RPN1: variants seen among roughly 807,000 people sequenced by gnomAD.
The protein encoded by RPN1 is dolichyl-diphosphooligosaccharide--protein glycosyltransferase subunit 1.
A neutral mutation model predicts 55.5 loss-of-function variants in RPN1; 12 were observed. The ratio of observed to expected loss-of-function variants is 0.22; its 90% confidence interval spans 0.14 to 0.35. The LOEUF is 0.35. Among genes scored for constraint, RPN1 ranks in the 10% least tolerant of loss-of-function variants. The pLI is 1.00. For missense variants in RPN1, 679 were observed against 761.3 expected (o/e 0.89, Z 1.27); for synonymous variants, 317 against 305.9 (o/e 1.04, Z -0.38).
chr3:128,640,401 A>G (rs111429487), intron 2 of RPN1, among the ~76,000 whole-genome samples: 15 of 152,314 alleles, frequency 9.8e-5, no homozygotes, highest in African/African-American at 3.6e-4. Flanking sequence ...TGTCTTTATC[A>G]GTCACACCAT....
At chr3:128,650,518 G>A in intron 1 of RPN1, 22 bp downstream of exon 1, 1 of 1,518,808 alleles carries the variant, frequency 6.6e-7, no homozygotes, top group Non-Finnish European at 8.8e-7. Context: ...GGGAGCGGCG[G>A]CGAGGGGTCG....
At chr3:128,626,288 T>C (rs896458801) in intron 6 of RPN1, among the ~76,000 whole-genome samples, 5 of 152,168 alleles carry the variant, frequency 3.3e-5, no homozygotes, top group Non-Finnish European at 7.3e-5. Context: ...GCCCCACTCC[T>C]TGGAGTCACA....
In RPN1 at chr3:128,630,156, G is replaced by A. The variant is rs372156358; in HGVS notation, c.844-13C>T. 3.4e-4 allele frequency: 538 copies of A among 1,586,898 alleles called. No individual in the cohort carries two copies. The highest frequency in any genetic ancestry group is 4.5e-4 in the Non-Finnish European group (517 of 1,161,638). ...CAGGAAGGATGGTCTGCAAGAGAGT[G>A]GATATGCCCTTCTAAAACTCCAGGA... On this transcript the variant is annotated splice_polypyrimidine_tract_variant and intron_variant, in intron 4 of 9. Coordinates refer to ENST00000296255, the MANE Select transcript of RPN1 (RefSeq NM_002950.4).
chr3:128,627,864 C>T (rs1293748778), intron 5 of RPN1, among the ~76,000 whole-genome samples: 1 of 152,248 alleles, frequency 6.6e-6, no homozygotes, highest in African/African-American at 2.4e-5. Context: ...CAGCAAGACG[C>T]CCATAAAAAC....
chr3:128,641,575 CCAAGTA>C (rs1206711968), intron 2 of RPN1, among the ~76,000 whole-genome samples: 1 of 151,482 alleles, frequency 6.6e-6, no homozygotes, highest in Non-Finnish European at 1.5e-5. Context: ...TACTAAGGCT[CCAAGTA>C]CATTATATAT....
At chr3:128,650,303 ACG>A (rs1185971286) in intron 1 of RPN1, among the ~76,000 whole-genome samples, 3 of 152,138 alleles carry the variant, frequency 2.0e-5, no homozygotes, top group African/African-American at 7.2e-5. Flanking sequence ...GCCGGTGCTG[ACG>A]TGGCCCAGGC....
intron 2 of RPN1, among the ~76,000 whole-genome samples, chr3:128,643,800 A>T (rs2069746675): frequency 6.6e-6 from 1 of 151,916 alleles, no homozygotes. Flanking sequence ...TCTCAAAAAA[A>T]AAAAATACAA....
chr3:128,633,756 G>A (rs1399313679), intron 3 of RPN1, among the ~76,000 whole-genome samples: 9 of 152,062 alleles, frequency 5.9e-5, no homozygotes, highest in East Asian at 1.9e-4. Context: ...AGGCCAAGGC[G>A]GGCAGATCAC....
intron 3 of RPN1, among the ~76,000 whole-genome samples, chr3:128,635,662 T>TAGATAG (rs1355424494): frequency 3.0e-4 from 33 of 110,186 alleles, no homozygotes; most frequent in African/African-American, 1.0e-3. Flanking sequence ...TATATATATA[T>TAGATAG]ATAGATATCT....
At position 128,620,991 on chromosome 3, in the gene RPN1, G is replaced by C. The variant is rs190339127; in HGVS notation, c.1642-398C>G. Among the ~76,000 whole-genome samples, 14 of 152,266 alleles carry C rather than the reference G, an allele frequency of 9.2e-5. No individual in the cohort carries two copies. The East Asian group carries it at 2.3e-3, about 25-fold the overall frequency. On this transcript the variant is annotated intron_variant, in intron 9 of 9. Transcript: ENST00000296255. ...GTTCCAGGGATTCAATTAGGCAAAA[G>C]ATCAATGGCAAGGGAAGGGGGGGTG... is the stretch of plus-strand genomic sequence containing the variant.
intron 4 of RPN1, among the ~76,000 whole-genome samples, chr3:128,631,537 T>C (rs1258609530): frequency 6.9e-6 from 1 of 144,890 alleles, no homozygotes; most frequent in Non-Finnish European, 1.5e-5. Context: ...AGGCCAGGAG[T>C]TCAAGACCAG....
chr3:128,650,550 A>T lies in RPN1; in HGVS notation c.251T>A (p.Leu84Gln). The T allele has an allele frequency of 6.5e-7, 1 of 1,541,838 alleles. No individual in the cohort carries two copies. Among genetic ancestry groups the T allele is most frequent in the Non-Finnish European group, 8.7e-7 (1 of 1,144,882 alleles). ...EPELEARLAH[L>Q]GVQVKGEDEE... ...GTCGCCCACACTCACCTGCACGCCC[A>T]GGTGCGCCAGCCGGGCCTCGAGCTC... Residue 84 changes from leucine to glutamine, a missense_variant, in exon 1 of 10, where the codon CTG (leucine) becomes CAG (glutamine). By Grantham distance (113) the Leu-to-Gln change is moderately radical. Transcript: ENST00000296255.
At chr3:128,635,726 T>TA (rs1166462569) in intron 3 of RPN1, among the ~76,000 whole-genome samples, 60 of 144,566 alleles carry the variant, frequency 4.2e-4, no homozygotes, top group Middle Eastern at 3.6e-3. Context: ...CGTGTATATA[T>TA]AAAAAACAAA....
intron 9 of RPN1, among the ~76,000 whole-genome samples, chr3:128,621,582 CAG>C (rs2069560032): frequency 6.6e-6 from 1 of 152,192 alleles, no homozygotes; most frequent in Non-Finnish European, 1.5e-5. Context: ...ACAGGGGAGT[CAG>C]TGACTCTGAG....
At chr3:128,647,731 G>A (rs1185463849) in intron 1 of RPN1, among the ~76,000 whole-genome samples, 1 of 151,380 alleles carries the variant, frequency 6.6e-6, no homozygotes, top group Admixed American at 6.6e-5. Flanking sequence ...GTATATGTGT[G>A]TGTATCAGGA....
At chr3:128,633,650 T>A (rs1439337877) in intron 3 of RPN1, among the ~76,000 whole-genome samples, 1 of 152,130 alleles carries the variant, frequency 6.6e-6, no homozygotes, top group African/African-American at 2.4e-5. Context: ...AAAAACTGTT[T>A]AACTATAGAA....
intron 2 of RPN1, among the ~76,000 whole-genome samples, chr3:128,639,073 A>G (rs1205262377): frequency 1.3e-5 from 2 of 152,242 alleles, no homozygotes; most frequent in South Asian, 2.1e-4. Context: ...GCTAACCTAC[A>G]TATCTATATT....
At chr3:128,636,905 G>A (rs1388608863) in intron 3 of RPN1, among the ~76,000 whole-genome samples, 3 of 152,246 alleles carry the variant, frequency 2.0e-5, no homozygotes, top group East Asian at 3.9e-4. Flanking sequence ...TATAGAAGTA[G>A]GTAAAAAGAC....
intron 2 of RPN1, among the ~76,000 whole-genome samples, chr3:128,642,945 A>G (rs1248555413): frequency 6.6e-6 from 1 of 151,922 alleles, no homozygotes; most frequent in Non-Finnish European, 1.5e-5. Flanking sequence ...TGAACCCCAG[A>G]GGCGGAGGTT....
Sources: gnomAD v4.1 joint callset for allele counts (sites outside exome capture counted in the v4.1 genomes callset) on GRCh38, gnomAD v4.1.1 for gene constraint, MANE v1.5 for transcripts, NCBI Gene and HGNC (gene_info 2026-07-23, HGNC 2026-07-21) for gene names.